Variants in ADGRL2 observed in about 807,000 individuals in gnomAD.
ADGRL2 encodes adhesion G protein-coupled receptor L2.
A neutral mutation model predicts 157.4 loss-of-function variants in ADGRL2; 44 were observed. The observed-to-expected ratio is 0.28, with a 90% CI of 0.22 to 0.36. The LOEUF is 0.36. Among genes scored for constraint, ADGRL2 ranks in the 10% least tolerant of loss-of-function variants. ADGRL2 has a pLI of 1.00. For synonymous variants in ADGRL2, 585 were observed against 624.7 expected (o/e 0.94, Z 0.95); for missense variants, 1,510 against 1,768.9 (o/e 0.85, Z 2.63).
chr1:81,438,723 G>A (rs2101661153), intron 1 of ADGRL2, among the ~76,000 whole-genome samples: 1 of 152,240 alleles, frequency 6.6e-6, no homozygotes, highest in South Asian at 2.1e-4. Flanking sequence ...TTTCCTTTTG[G>A]CTCAATTAGT....
In ADGRL2 at chr1:81,313,622, A is replaced by G. The variant is rs568093842; in HGVS notation, c.-302+7113A>G. ...TCGAAAGGCAGATTGCAAACTTTTGAAAGAGTTGACTATGGATCAGACAAA... is the reference window on the plus strand; with the variant it reads ...TCGAAAGGCAGATTGCAAACTTTTGGAAGAGTTGACTATGGATCAGACAAA... On this transcript the variant is annotated intron_variant, in intron 1 of 24. Transcript: ENST00000370721. Among the ~76,000 whole-genome samples the G allele has an allele frequency of 3.3e-5, 5 of 152,326 alleles. 1 individual carries two copies. In the South Asian group the frequency reaches 1.0e-3, roughly 32 times the overall value.
intron 1 of ADGRL2, among the ~76,000 whole-genome samples, chr1:81,310,074 A>C (rs2100542180): frequency 6.6e-6 from 1 of 152,288 alleles, no homozygotes; most frequent in Non-Finnish European, 1.5e-5. Context: ...CACTGGATGC[A>C]TCTGAATGAA....
intron 2 of ADGRL2, among the ~76,000 whole-genome samples, chr1:81,893,594 T>C (rs2094318394): frequency 6.6e-6 from 1 of 152,312 alleles, no homozygotes; most frequent in African/African-American, 2.4e-5. Context: ...TGTTGGTACC[T>C]GTAGGGAACA....
chr1:81,985,014 C>G (rs1662754431), intron 20 of ADGRL2, among the ~76,000 whole-genome samples: 1 of 152,020 alleles, frequency 6.6e-6, no homozygotes, highest in Non-Finnish European at 1.5e-5. Context: ...AATCAGTGAT[C>G]TCCACTCTTT....
intron 2 of ADGRL2, among the ~76,000 whole-genome samples, chr1:81,456,024 A>C (rs1398526267): frequency 6.6e-6 from 1 of 152,234 alleles, no homozygotes; most frequent in African/African-American, 2.4e-5. Flanking sequence ...TTTTAAAATA[A>C]GTTTAATAAC....
chr1:81,388,720 C>G (rs539555040), intron 1 of ADGRL2, among the ~76,000 whole-genome samples: 15 of 152,252 alleles, frequency 9.9e-5, no homozygotes, highest in African/African-American at 3.6e-4. Context: ...GTACCTTGAT[C>G]TTGAACTTCC....
At chr1:81,765,429 T>C (rs2086082119) in intron 2 of ADGRL2, among the ~76,000 whole-genome samples, 1 of 152,056 alleles carries the variant, frequency 6.6e-6, no homozygotes, top group South Asian at 2.1e-4. Flanking sequence ...TTCAAACTAT[T>C]TCTTTCTGAT....
intron 3 of ADGRL2, among the ~76,000 whole-genome samples, chr1:81,614,153 A>G (rs1338162780): frequency 6.6e-6 from 1 of 152,176 alleles, no homozygotes; most frequent in Non-Finnish European, 1.5e-5. Context: ...TCTAGTTCAT[A>G]TCTGTGAACA....
At chr1:81,457,445 T>G (rs2077830318) in intron 2 of ADGRL2, among the ~76,000 whole-genome samples, 2 of 152,070 alleles carry the variant, frequency 1.3e-5, no homozygotes, top group African/African-American at 2.4e-5. Flanking sequence ...TTCTGAAAAT[T>G]TTTCTTTTCT....
chr1:81,678,446 C>T (rs763683672), intron 3 of ADGRL2, among the ~76,000 whole-genome samples: 71 of 152,284 alleles, frequency 4.7e-4, no homozygotes, highest in Non-Finnish European at 7.5e-4. Flanking sequence ...AAAACAACAA[C>T]CTTTCTGAAT....
At chr1:81,987,833 CTT>C (rs1558058224) in intron 22 of ADGRL2, 34 bp from the exon 23 acceptor site, 1 of 304,842 alleles carries the variant, frequency 3.3e-6, no homozygotes, top group South Asian at 3.2e-5. Flanking sequence ...TTTTCATTCT[CTT>C]GTTTTTTTTC....
intron 1 of ADGRL2, among the ~76,000 whole-genome samples, chr1:81,352,425 G>T (rs1662963973): frequency 6.6e-6 from 1 of 152,136 alleles, no homozygotes. Flanking sequence ...TTAAACTCTA[G>T]CTGTGAAAAC....
At chr1:81,960,871 C>G (rs1356913406) in intron 11 of ADGRL2, among the ~76,000 whole-genome samples, 1 of 152,204 alleles carries the variant, frequency 6.6e-6, no homozygotes, top group East Asian at 1.9e-4. Flanking sequence ...CAGCTGCTTA[C>G]AACAACAAAG....
intron 2 of ADGRL2, among the ~76,000 whole-genome samples, chr1:81,770,753 C>A (rs1479320514): frequency 1.3e-5 from 2 of 152,164 alleles, no homozygotes; most frequent in African/African-American, 4.8e-5. Flanking sequence ...GGATTACAGG[C>A]GTGAGCCACA....
At chr1:81,392,329 A>G (rs113536540) in intron 1 of ADGRL2, among the ~76,000 whole-genome samples, 1 of 152,012 alleles carries the variant, frequency 6.6e-6, no homozygotes, top group African/African-American at 2.4e-5. Flanking sequence ...GAAGGTTTTG[A>G]ATATATTTGA....
intron 17 of ADGRL2, among the ~76,000 whole-genome samples, chr1:81,972,379 A>G (rs1659005417): frequency 6.6e-6 from 1 of 152,152 alleles, no homozygotes; most frequent in Non-Finnish European, 1.5e-5. Flanking sequence ...TTAAGCTTGC[A>G]TTAACGAATG....
chr1:81,742,688 C>T (rs1476333634), intron 1 of ADGRL2, among the ~76,000 whole-genome samples: 2 of 152,002 alleles, frequency 1.3e-5, no homozygotes, highest in African/African-American at 2.4e-5. Flanking sequence ...ATTCCAGCCC[C>T]TAGCGTACTA....
intron 4 of ADGRL2, among the ~76,000 whole-genome samples, chr1:81,940,639 A>C (rs1390830759): frequency 6.6e-6 from 1 of 151,562 alleles, no homozygotes; most frequent in Non-Finnish European, 1.5e-5. Context: ...AATCTTGATG[A>C]ATTATTGTAA....
At chr1:81,703,928 G>A (rs1372388097) in intron 1 of ADGRL2, among the ~76,000 whole-genome samples, 1 of 152,180 alleles carries the variant, frequency 6.6e-6, no homozygotes, top group Non-Finnish European at 1.5e-5. Flanking sequence ...GCAGATATCT[G>A]CATATGAAGT....
Sources: gnomAD v4.1 joint callset for allele counts (sites outside exome capture counted in the v4.1 genomes callset) on GRCh38, gnomAD v4.1.1 for gene constraint, MANE v1.5 for transcripts, NCBI Gene and HGNC (gene_info 2026-07-23, HGNC 2026-07-21) for gene names.